NEK11: variants seen among roughly 807,000 people sequenced by gnomAD.
NEK11 encodes serine/threonine-protein kinase Nek11.
In NEK11, 72 loss-of-function variants were observed where a neutral mutation model predicts 80.7. The observed-to-expected ratio is 0.89, with a 90% CI of 0.74 to 1.08. The LOEUF is 1.08. Among genes scored for constraint, NEK11 ranks in the 50% least tolerant of loss-of-function variants. The pLI is 0.00. For synonymous variants in NEK11, 251 were observed against 260.7 expected, an observed-to-expected ratio of 0.96 and a Z score of 0.36; for missense variants, 764 against 763.6, an observed-to-expected ratio of 1.00 and a Z score of -0.01.
chr3:131,205,433 G>A (rs1338523308), intron 14 of NEK11, among the ~76,000 whole-genome samples: 2 of 151,998 alleles, frequency 1.3e-5, no homozygotes, highest in Non-Finnish European at 2.9e-5. Flanking sequence ...TCAAGTGTCA[G>A]GAAAAAAGGC....
At chr3:131,324,378 GT>G (rs752861891) in intron 17 of NEK11, among the ~76,000 whole-genome samples, 2 of 152,208 alleles carry the variant, frequency 1.3e-5, no homozygotes, top group Non-Finnish European at 2.9e-5. Flanking sequence ...AAGCTGAATA[GT>G]TTCCCAGTCA....
In NEK11 at chr3:131,228,524, T is replaced by G. The variant is rs1426614691; in HGVS notation, c.1400-4T>G. ...AGTATCTGACTGTTTGTTCATTATT[T>G]CAGAGATCCCAGAAGACCCACTTGT... is the stretch of plus-strand genomic sequence containing the variant. On this transcript the variant is annotated splice_region_variant and splice_polypyrimidine_tract_variant and intron_variant, in intron 14 of 17. Transcript: ENST00000383366. 1.9e-6 allele frequency: 3 copies of G among 1,599,910 alleles called. No homozygotes were observed. In the African/African-American group the frequency reaches 4.0e-5, roughly 21 times the overall value.
chr3:131,079,811 A>G (rs948041560), intron 3 of NEK11, among the ~76,000 whole-genome samples: 14 of 152,326 alleles, frequency 9.2e-5, no homozygotes, highest in African/African-American at 3.4e-4. Context: ...TTTTAAAAAG[A>G]AAATAAATAA....
rs572295246 is a variant in NEK11, at chr3:131,141,751, G to A, written c.647+7795G>A. 3.3e-5 allele frequency among the ~76,000 whole-genome samples: 5 copies of A among 152,282 alleles called. No individual in the cohort carries two copies. The South Asian group carries it at 1.0e-3, about 32-fold the overall frequency. ...ATGGTATGAAAGGACATGGAAGCAT[G>A]AGAAAGCTCAGGTTCTTCTGATTAG... On this transcript the variant is annotated intron_variant, in intron 7 of 17. Coordinates refer to ENST00000383366, the MANE Select transcript of NEK11 (RefSeq NM_024800.5).
chr3:131,126,821 A>C (rs1272240112), intron 5 of NEK11, among the ~76,000 whole-genome samples: 1 of 152,078 alleles, frequency 6.6e-6, no homozygotes, highest in Non-Finnish European at 1.5e-5. Context: ...TTAAAGATGT[A>C]TGTTAGACCA....
At chr3:131,231,273 C>T (rs1201847719) in intron 15 of NEK11, among the ~76,000 whole-genome samples, 1 of 150,290 alleles carries the variant, frequency 6.7e-6, no homozygotes, top group East Asian at 2.0e-4. Flanking sequence ...ATGATCTCTG[C>T]TCACTCTAAT....
chr3:131,033,493 A>G (rs749811798), intron 3 of NEK11, among the ~76,000 whole-genome samples: 4 of 152,200 alleles, frequency 2.6e-5, no homozygotes, highest in Non-Finnish European at 4.4e-5. Flanking sequence ...CCTTGGTATC[A>G]GTGTTAAAGG....
At chr3:131,264,517 G>A (rs947472898) in intron 16 of NEK11, among the ~76,000 whole-genome samples, 12 of 152,126 alleles carry the variant, frequency 7.9e-5, no homozygotes, top group African/African-American at 2.7e-4. Context: ...AAGATCAGAT[G>A]GTTGTAGATG....
At chr3:131,182,384 G>A (rs757940961) in intron 14 of NEK11, among the ~76,000 whole-genome samples, 4 of 152,082 alleles carry the variant, frequency 2.6e-5, no homozygotes, top group African/African-American at 7.2e-5. Flanking sequence ...CTCCTTTATC[G>A]TCAATTTTCC....
chr3:131,171,656 C>T (rs2092700390), intron 14 of NEK11, among the ~76,000 whole-genome samples: 1 of 152,116 alleles, frequency 6.6e-6, no homozygotes, highest in African/African-American at 2.4e-5. Context: ...TTGTGAATAG[C>T]AAATGAGACG....
At chr3:131,298,927 T>G (rs1292750480) in intron 17 of NEK11, among the ~76,000 whole-genome samples, 1 of 111,888 alleles carries the variant, frequency 8.9e-6, no homozygotes, top group Non-Finnish European at 1.7e-5. Context: ...TTCTCTTCTG[T>G]TTTTTTTTTT....
intron 17 of NEK11, among the ~76,000 whole-genome samples, chr3:131,284,353 G>T (rs1214865534): frequency 6.6e-6 from 1 of 152,164 alleles, no homozygotes; most frequent in Non-Finnish European, 1.5e-5. Context: ...CCCTATGGTA[G>T]CTCAAAGCCT....
At chr3:131,054,127 G>A (rs982708466) in intron 3 of NEK11, among the ~76,000 whole-genome samples, 5 of 152,210 alleles carry the variant, frequency 3.3e-5, no homozygotes, top group African/African-American at 1.2e-4. Flanking sequence ...AAGGCTGGTG[G>A]ATCGGTTGAA....
chr3:131,246,465 G>T (rs1216681640), intron 16 of NEK11, among the ~76,000 whole-genome samples: 1 of 152,088 alleles, frequency 6.6e-6, no homozygotes, highest in Non-Finnish European at 1.5e-5. Flanking sequence ...GTATTCCGTG[G>T]TGTGTGTACC....
chr3:131,120,672 C>T (rs954573215), intron 5 of NEK11, among the ~76,000 whole-genome samples: 11 of 152,164 alleles, frequency 7.2e-5, no homozygotes, highest in African/African-American at 1.4e-4. Flanking sequence ...AGTCTTTGTT[C>T]GTTCCTTTTT....
chr3:131,258,405 C>T (rs1252124623), intron 16 of NEK11, among the ~76,000 whole-genome samples: 1 of 152,094 alleles, frequency 6.6e-6, no homozygotes, highest in South Asian at 2.1e-4. Flanking sequence ...GTCTTGAAGC[C>T]AGATCAACCT....
At chr3:131,174,972 G>A in intron 14 of NEK11, 5 of 1,389,768 alleles carry the variant, frequency 3.6e-6, no homozygotes, top group Non-Finnish European at 3.7e-6. Context: ...AGCAATCACT[G>A]AGCCCAATGC....
intron 5 of NEK11, among the ~76,000 whole-genome samples, chr3:131,115,922 C>CT (rs1365656054): frequency 1.0e-5 from 1 of 98,046 alleles, no homozygotes; most frequent in Non-Finnish European, 2.1e-5. Context: ...TTCTTTCTTT[C>CT]TTTCTTTCTT....
At chr3:131,278,283 A>T (rs995490798) in intron 17 of NEK11, among the ~76,000 whole-genome samples, 1 of 152,232 alleles carries the variant, frequency 6.6e-6, no homozygotes, top group Admixed American at 6.5e-5. Flanking sequence ...AGAAGTTATT[A>T]GGTGGTACTG....
Sources: gnomAD v4.1 joint callset for allele counts (sites outside exome capture counted in the v4.1 genomes callset) on GRCh38, gnomAD v4.1.1 for gene constraint, MANE v1.5 for transcripts, NCBI Gene and HGNC (gene_info 2026-07-23, HGNC 2026-07-21) for gene names.